RALYL: variants seen among roughly 807,000 people sequenced by gnomAD.
The protein encoded by RALYL is RALY RNA binding protein like.
A neutral mutation model predicts 35.1 loss-of-function variants in RALYL; 29 were observed. The ratio of observed to expected loss-of-function variants is 0.83; its 90% CI spans 0.61 to 1.13. The LOEUF (loss-of-function observed/expected upper bound fraction) is 1.13, where lower values mean the gene tolerates loss of function less well. Ranked by LOEUF, RALYL falls within the 50% of genes most tolerant of loss-of-function variation. The pLI is 0.00. For missense variants in RALYL, 359 were observed against 360.4 expected (o/e 1.00, Z 0.03); for synonymous variants, 120 against 127.6 (o/e 0.94, Z 0.40).
intron 2 of RALYL, among the ~76,000 whole-genome samples, chr8:84,592,854 G>A (rs1483786183): frequency 1.3e-5 from 2 of 151,926 alleles, no homozygotes; most frequent in African/African-American, 2.4e-5. Context: ...TCTCAAATTT[G>A]CACACAAGGA....
intron 1 of RALYL, among the ~76,000 whole-genome samples, chr8:84,255,232 A>G (rs1178496335): frequency 2.1e-4 from 32 of 152,162 alleles, no homozygotes; most frequent in Non-Finnish European, 2.1e-4. Flanking sequence ...AAATTTAGAT[A>G]TAGACTCTGC....
chr8:84,860,780 T>C (rs1837950647), intron 5 of RALYL, among the ~76,000 whole-genome samples: 1 of 152,212 alleles, frequency 6.6e-6, no homozygotes, highest in Non-Finnish European at 1.5e-5. Context: ...CTCTTAGTTT[T>C]TTCCCCAGCA....
intron 1 of RALYL, among the ~76,000 whole-genome samples, chr8:84,490,193 ATTTATGAG>A (rs2055122590): frequency 6.6e-6 from 1 of 151,582 alleles, no homozygotes; most frequent in African/African-American, 2.4e-5. Context: ...AAATTTATTA[ATTTATGAG>A]GATTTTGAGC....
intron 8 of RALYL, among the ~76,000 whole-genome samples, chr8:84,895,988 C>G (rs1386688354): frequency 1.3e-5 from 2 of 152,200 alleles, no homozygotes; most frequent in East Asian, 3.8e-4. Flanking sequence ...CCCTCACAAT[C>G]TCTCCCAGCT....
In RALYL at chr8:84,702,539, TCA is replaced by T. The variant is rs10678224; in HGVS notation, c.257-72014_257-72013del. On this transcript the variant is annotated intron_variant, in intron 2 of 8. Transcript: ENST00000521268. The stretch of plus-strand genomic sequence containing the variant: ...TGCATAGTCTCTCTCTCTCTCTCTC[TCA>T]CACACACACACACACACACACACAC... Among the ~76,000 whole-genome samples the T allele has an allele frequency of 6.4e-3, 877 of 136,396 alleles. 3 individuals carry two copies. Among genetic ancestry groups the T allele is most frequent in the Middle Eastern group, 0.02 (5 of 256 alleles). The allele number at this position is 136,396 out of a possible 152,430, so 89.5% of individuals were successfully genotyped here.
intron 2 of RALYL, among the ~76,000 whole-genome samples, chr8:84,660,489 C>A (rs2131642040): frequency 6.6e-6 from 1 of 151,912 alleles, no homozygotes; most frequent in East Asian, 1.9e-4. Context: ...TTTATATTTT[C>A]CTATTTCAGT....
At chr8:84,292,238 T>C (rs973716255) in intron 1 of RALYL, among the ~76,000 whole-genome samples, 2 of 152,150 alleles carry the variant, frequency 1.3e-5, no homozygotes, top group African/African-American at 4.8e-5. Flanking sequence ...GCAATAGATA[T>C]CCATTTATAT....
At chr8:84,559,973 GT>G (rs572363653) in intron 2 of RALYL, among the ~76,000 whole-genome samples, 6,500 of 141,202 alleles carry the variant, frequency 0.046, 343 homozygotes, top group African/African-American at 0.13. Context: ...AATATATTAG[GT>G]TTTTTTTTTT....
At position 84,797,460 on chromosome 8, in the gene RALYL, C is replaced by A. The variant is rs1178855887; in HGVS notation, c.333-7310C>A. Among the ~76,000 whole-genome samples the A allele has an allele frequency of 2.6e-5, 4 of 152,294 alleles. No individual in the cohort carries two copies. The East Asian group carries it at 5.8e-4, about 22-fold the overall frequency. ...TGAGAGAGCTTGGCAGAGTCCCTGG[C>A]ACATCGCAAGCTCTGACTCTTGTGA... On this transcript the variant is annotated intron_variant, in intron 3 of 8. Transcript: ENST00000521268.
intron 1 of RALYL, among the ~76,000 whole-genome samples, chr8:84,365,773 G>C (rs183506117): frequency 6.6e-6 from 1 of 152,260 alleles, no homozygotes; most frequent in Admixed American, 6.5e-5. Flanking sequence ...TTTTTTAGAA[G>C]GAAATGGTTA....
chr8:84,258,800 C>T (rs767973094), intron 1 of RALYL, among the ~76,000 whole-genome samples: 14 of 151,994 alleles, frequency 9.2e-5, no homozygotes, highest in Non-Finnish European at 1.5e-4. Flanking sequence ...AACATTTTCC[C>T]GCAAACTCAT....
At chr8:84,499,238 C>G (rs1260315068) in intron 1 of RALYL, among the ~76,000 whole-genome samples, 2 of 151,990 alleles carry the variant, frequency 1.3e-5, no homozygotes, top group Non-Finnish European at 2.9e-5. Flanking sequence ...ACGCTTACCT[C>G]CCTCGCGCCT....
At chr8:84,338,728 C>G (rs948667559) in intron 1 of RALYL, among the ~76,000 whole-genome samples, 1 of 151,988 alleles carries the variant, frequency 6.6e-6, no homozygotes, top group Non-Finnish European at 1.5e-5. Context: ...GTAAAGAGTT[C>G]TGATACTAAC....
chr8:84,484,453 C>T (rs1305604528), intron 1 of RALYL, among the ~76,000 whole-genome samples: 1 of 151,914 alleles, frequency 6.6e-6, no homozygotes, highest in African/African-American at 2.4e-5. Flanking sequence ...GGAGAAGGAA[C>T]TCTCAAGTGG....
intron 1 of RALYL, among the ~76,000 whole-genome samples, chr8:84,478,020 CA>C (rs2053617684): frequency 6.6e-6 from 1 of 152,044 alleles, no homozygotes; most frequent in South Asian, 2.1e-4. Flanking sequence ...TTTCAGAAGT[CA>C]AACAGTATTT....
At chr8:84,316,710 T>C (rs373598822) in intron 1 of RALYL, among the ~76,000 whole-genome samples, 1 of 152,316 alleles carries the variant, frequency 6.6e-6, no homozygotes, top group South Asian at 2.1e-4. Context: ...TCTTAGAATT[T>C]GAATTTAGAA....
chr8:84,189,292 C>T (rs1056452995), intron 1 of RALYL, among the ~76,000 whole-genome samples: 7 of 152,130 alleles, frequency 4.6e-5, no homozygotes, highest in Non-Finnish European at 8.8e-5. Flanking sequence ...CCATTTAACT[C>T]ACTAATATGC....
intron 2 of RALYL, among the ~76,000 whole-genome samples, chr8:84,718,720 G>A (rs1040866815): frequency 6.6e-6 from 1 of 151,648 alleles, no homozygotes; most frequent in African/African-American, 2.4e-5. Flanking sequence ...AGCCGAGATC[G>A]CACCACTGCA....
chr8:84,399,679 C>T (rs998905961), intron 1 of RALYL, among the ~76,000 whole-genome samples: 3 of 152,120 alleles, frequency 2.0e-5, no homozygotes, highest in African/African-American at 7.2e-5. Context: ...GCAATGGAAA[C>T]ATGCAGAGAA....
Sources: allele counts gnomAD v4.1 joint callset (sites outside exome capture counted in the v4.1 genomes callset), GRCh38; gene constraint gnomAD v4.1.1; transcripts MANE v1.5; gene names NCBI Gene and HGNC (gene_info 2026-07-23, HGNC 2026-07-21).